The following RBFOX2 variants were observed in gnomAD, a reference collection of about 807,000 sequenced individuals.
The protein encoded by RBFOX2 is RNA binding fox-1 homolog 2, also known as RNA binding protein fox-1 homolog 2.
Under a neutral mutation model 49.1 loss-of-function variants are expected in RBFOX2, and 10 were observed. That is an observed-to-expected ratio of 0.20 (90% CI 0.13 to 0.35). The LOEUF (loss-of-function observed/expected upper bound fraction) is 0.35. RBFOX2 is among the 10% of genes least tolerant of loss of function. The probability of loss-of-function intolerance (pLI) is 1.00; values close to 1 mark genes in which losing one functional copy is unlikely to be tolerated. For missense variants in RBFOX2, 323 were observed against 486.9 expected (o/e 0.66, Z 3.17); for synonymous variants, 183 against 187.4 (o/e 0.98, Z 0.19).
chr22:35,823,060 A>G lies in RBFOX2; in HGVS notation c.28-13056T>C, dbSNP rs535256815. 3.3e-5 allele frequency among the ~76,000 whole-genome samples: 5 copies of G among 152,180 alleles called. No homozygotes were observed. The South Asian group carries it at 1.0e-3, about 32-fold the overall frequency. On this transcript the variant is annotated intron_variant, in intron 1 of 11. Transcript: ENST00000405409. Reference sequence around the variant, plus strand: ...GCTGGTCTCCACCTGACCTCAGGTGATCCGCCCGCCTCGGCCTCCCAAAGT... The same window carrying G: ...GCTGGTCTCCACCTGACCTCAGGTGGTCCGCCCGCCTCGGCCTCCCAAAGT...
At chr22:35,762,090 T>C (rs1302559406) in intron 6 of RBFOX2, among the ~76,000 whole-genome samples, 1 of 152,230 alleles carries the variant, frequency 6.6e-6, no homozygotes, top group Non-Finnish European at 1.5e-5. Flanking sequence ...CTTCAGTGCA[T>C]GTTTTCTGAG....
chr22:35,995,406 C>G (rs897225972), intron 1 of RBFOX2: 2 of 152,208 alleles, frequency 1.3e-5, no homozygotes, highest in African/African-American at 2.4e-5. Context: ...AATGTTATCT[C>G]CTAGGATCAT....
upstream of RBFOX2, chr22:35,961,708 C>T (rs1029521389): frequency 7.7e-7 from 1 of 1,298,566 alleles, no homozygotes; most frequent in Non-Finnish European, 1.0e-6. Flanking sequence ...CTATTGGCTT[C>T]ATGGAGCAGG....
intron 1 of RBFOX2, among the ~76,000 whole-genome samples, chr22:35,815,012 T>C (rs568610612): frequency 2.0e-5 from 3 of 152,288 alleles, no homozygotes; most frequent in African/African-American, 4.8e-5. Context: ...CAGACAACTA[T>C]AGTATTACAG....
chr22:35,809,921 T>A (rs748280565), exon 2 of RBFOX2: 89 of 1,613,980 alleles, frequency 5.5e-5, no homozygotes, highest in Non-Finnish European at 7.4e-5. Flanking sequence ...CTGTGGGAAT[T>A]CCATTCTGCG....
chr22:35,888,196 T>A (rs571883809), intron 1 of RBFOX2, among the ~76,000 whole-genome samples: 1 of 152,294 alleles, frequency 6.6e-6, no homozygotes, highest in South Asian at 2.1e-4. Flanking sequence ...ACCACATACA[T>A]CAAATTTATG....
chr22:35,927,302 A>G (rs2051761620), intron 1 of RBFOX2, among the ~76,000 whole-genome samples: 1 of 152,164 alleles, frequency 6.6e-6, no homozygotes, highest in Non-Finnish European at 1.5e-5. Context: ...CAGTGAAGAG[A>G]CATATATAAA....
At chr22:35,840,631 CGTGT>C (rs150747166), upstream of RBFOX2, 1,715 of 995,704 alleles carry the variant, frequency 1.7e-3, 2 homozygotes, top group African/African-American at 7.2e-3. Flanking sequence ...TGCGTGTGTG[CGTGT>C]GTGTGTGTGT....
intron 1 of RBFOX2, among the ~76,000 whole-genome samples, chr22:35,859,048 C>T (rs2042840154): frequency 6.6e-6 from 1 of 151,984 alleles, no homozygotes; most frequent in African/African-American, 2.4e-5. Context: ...AAAAACTATT[C>T]AAGAGCTGAA....
In RBFOX2 at chr22:35,823,081, A is replaced by G. The variant is rs866164943; in HGVS notation, c.28-13077T>C. On this transcript the variant is annotated intron_variant, in intron 1 of 11. Coordinates refer to ENST00000405409, the Ensembl canonical transcript of RBFOX2. ...GGTGATCCGCCCGCCTCGGCCTCCC[A>G]AAGTGCTGAGATTACAGGCATGAGC... Among the ~76,000 whole-genome samples the G allele has an allele frequency of 1.4e-4, 22 of 152,242 alleles. No homozygotes were observed. The South Asian group carries it at 1.9e-3, about 13-fold the overall frequency.
intron 6 of RBFOX2, among the ~76,000 whole-genome samples, chr22:35,764,385 C>G (rs1016918564): frequency 1.3e-5 from 2 of 151,956 alleles, no homozygotes; most frequent in Non-Finnish European, 1.5e-5. Flanking sequence ...GAGGTTGAGA[C>G]CATCCTGGCT....
intron 1 of RBFOX2, among the ~76,000 whole-genome samples, chr22:35,885,678 C>T (rs537217861): frequency 6.6e-6 from 1 of 151,732 alleles, no homozygotes; most frequent in Admixed American, 6.6e-5. Flanking sequence ...AGGTCGTTTC[C>T]CCGCATAAAC....
At chr22:35,774,467 G>A (rs1326628478) in intron 4 of RBFOX2, among the ~76,000 whole-genome samples, 2 of 152,050 alleles carry the variant, frequency 1.3e-5, no homozygotes, top group Non-Finnish European at 1.5e-5. Context: ...CTCTGTTTCA[G>A]TTAATCAAAG....
At chr22:35,755,808 T>A (rs1302732127) in intron 9 of RBFOX2, among the ~76,000 whole-genome samples, 1 of 152,036 alleles carries the variant, frequency 6.6e-6, no homozygotes, top group Non-Finnish European at 1.5e-5. Flanking sequence ...AAATTAATGA[T>A]CCACAGAACA....
chr22:35,796,414 C>T (rs1960196755), intron 2 of RBFOX2, among the ~76,000 whole-genome samples: 1 of 152,052 alleles, frequency 6.6e-6, no homozygotes, highest in South Asian at 2.1e-4. Flanking sequence ...ACTGGCACTC[C>T]TTTTAATGTA....
chr22:35,902,515 G>A lies in RBFOX2; in HGVS notation c.-34+36332C>T, dbSNP rs532101400. Among the ~76,000 whole-genome samples, 31 of 152,154 alleles carry A rather than the reference G, an allele frequency of 2.0e-4. No homozygotes were observed. In the South Asian group the frequency reaches 6.0e-3, roughly 30 times the overall value. ...CACAAACCTCAAATGGACACTCAAC[G>A]ATGCCAAGCAATCCACCAAAGCTGC... On this transcript the variant is annotated intron_variant, in intron 1 of 13. Transcript: ENST00000359369.
At chr22:35,899,577 AAAG>A (rs1340427967) in intron 1 of RBFOX2, among the ~76,000 whole-genome samples, 227 of 151,860 alleles carry the variant, frequency 1.5e-3, no homozygotes, top group African/African-American at 5.3e-3. Context: ...AAAAAAAAAA[AAAG>A]AAAGAAAGAA....
chr22:35,930,187 A>G (rs1215056919), intron 1 of RBFOX2, among the ~76,000 whole-genome samples: 1 of 151,386 alleles, frequency 6.6e-6, no homozygotes, highest in Non-Finnish European at 1.5e-5. Context: ...TGCCCCACTA[A>G]TTTTTGTATT....
chr22:35,853,478 A>G (rs1180713234), intron 1 of RBFOX2, among the ~76,000 whole-genome samples: 1 of 152,148 alleles, frequency 6.6e-6, no homozygotes, highest in African/African-American at 2.4e-5. Context: ...TGAAAAAACT[A>G]AAAAATTTAT....
Sources: allele counts gnomAD v4.1 joint callset (sites outside exome capture counted in the v4.1 genomes callset), GRCh38; gene constraint gnomAD v4.1.1; transcripts MANE v1.5; gene names NCBI Gene and HGNC (gene_info 2026-07-23, HGNC 2026-07-21).